The following KRIT1 variants were observed in gnomAD, a reference collection of about 807,000 sequenced individuals.
KRIT1 encodes krev interaction trapped protein 1.
In KRIT1, 45 loss-of-function variants were observed where a neutral mutation model predicts 95.8. That is an observed-to-expected ratio of 0.47 (90% CI 0.37 to 0.60). The LOEUF is 0.60. KRIT1 is among the 20% of genes least tolerant of loss of function. The pLI, the probability that KRIT1 is intolerant of heterozygous loss-of-function variation, is 0.00. For missense variants in KRIT1, 788 were observed against 877.5 expected (o/e 0.90, Z 1.29); for synonymous variants, 282 against 278.8 (o/e 1.01, Z -0.11).
At chr7:92,239,089 T>C (rs1311777080) in intron 5 of KRIT1, among the ~76,000 whole-genome samples, 1 of 152,228 alleles carries the variant, frequency 6.6e-6, no homozygotes, top group Non-Finnish European at 1.5e-5. Context: ...GGCTCATTAA[T>C]ACATTAAACT....
At chr7:92,226,485 C>T (rs1396068431) in intron 11 of KRIT1, 41 bp downstream of exon 11, 4 of 1,455,714 alleles carry the variant, frequency 2.7e-6, no homozygotes, top group East Asian at 2.3e-5. Context: ...TTGTTATTCA[C>T]TGCTTGAATA....
intron 17 of KRIT1, among the ~76,000 whole-genome samples, chr7:92,211,947 C>A (rs1291447001): frequency 9.1e-4 from 129 of 142,202 alleles, no homozygotes; most frequent in Non-Finnish European, 1.6e-3. Context: ...CAAAAAACAA[C>A]AAAAAAAAAA....
At position 92,236,626 on chromosome 7, in the gene KRIT1, T is replaced by A. The variant is rs1049543618; in HGVS notation, c.356-84A>T. On this transcript the variant is annotated intron_variant, in intron 6 of 18. Coordinates refer to ENST00000394505, the MANE Select transcript of KRIT1 (RefSeq NM_194454.3). ...TCATCTAAAAATACATGTTAGAAAA[T>A]GAAAACTTGTTAAGTATAAAATAAA... is the stretch of plus-strand genomic sequence containing the variant. 3.2e-6 allele frequency: 3 copies of A among 931,644 alleles called. No individual in the cohort carries two copies. The African/African-American group carries it at 4.9e-5, about 15-fold the overall frequency. 57.7% of individuals were successfully genotyped at this position (931,644 alleles called of 1,614,324 possible).
chr7:92,226,277 T>C (rs1796190991), intron 11 of KRIT1, among the ~76,000 whole-genome samples: 1 of 152,138 alleles, frequency 6.6e-6, no homozygotes, highest in South Asian at 2.1e-4. Context: ...CTAAAAATAG[T>C]TAATGTAAAT....
intron 10 of KRIT1, among the ~76,000 whole-genome samples, chr7:92,231,590 T>A (rs181168250): frequency 6.6e-6 from 1 of 152,334 alleles, no homozygotes; most frequent in East Asian, 1.9e-4. Flanking sequence ...GTCTCTTCAC[T>A]GTATCACAGT....
At chr7:92,219,597 C>T (rs1241745904) in intron 14 of KRIT1, among the ~76,000 whole-genome samples, 1 of 152,164 alleles carries the variant, frequency 6.6e-6, no homozygotes, top group Non-Finnish European at 1.5e-5. Flanking sequence ...CTTCATTCTT[C>T]TTAAGATTGC....
At chr7:92,228,587 C>A (rs1796673677) in intron 10 of KRIT1, among the ~76,000 whole-genome samples, 1 of 152,066 alleles carries the variant, frequency 6.6e-6, no homozygotes, top group Non-Finnish European at 1.5e-5. Flanking sequence ...TTTTGCTATT[C>A]TTTTTTTAAC....
chr7:92,231,558 A>C (rs897859191), intron 10 of KRIT1, among the ~76,000 whole-genome samples: 1 of 152,202 alleles, frequency 6.6e-6, no homozygotes. Flanking sequence ...ATCTTGTCTT[A>C]CAAAAATAGG....
chr7:92,226,478 T>C lies in KRIT1; in HGVS notation c.1146+48A>G, dbSNP rs148726625. 806 of 1,371,034 alleles carry C rather than the reference T, an allele frequency of 5.9e-4. 5 individuals are homozygous for C. The African/African-American group carries it at 9.7e-3, about 17-fold the overall frequency. The allele number at this position is 1,371,034 out of a possible 1,614,324, so 84.9% of individuals were successfully genotyped here. A position where few individuals can be genotyped will look rare whatever the true frequency, so the allele number is the denominator to read the frequency against. ...TTTAACATTTTAGTGTCATTACTTG[T>C]TATTCACTGCTTGAATATTATTTTT... On this transcript the variant is annotated intron_variant, in intron 11 of 18. Coordinates refer to ENST00000394505, the MANE Select transcript of KRIT1 (RefSeq NM_194454.3).
At position 92,213,932 on chromosome 7, in the gene KRIT1, T is replaced by C. The variant is rs755762191; in HGVS notation, c.1778A>G (p.Lys593Arg). 1.2e-6 allele frequency: 2 copies of C among 1,610,926 alleles called. No homozygotes were observed. Among genetic ancestry groups the C allele is most frequent in the Non-Finnish European group, 1.7e-6 (2 of 1,177,274 alleles). Residue 593 changes from lysine to arginine, a missense_variant, in exon 16 of 19, where the codon AAG becomes AGG. Physicochemically the swap from Lys to Arg is conservative, Grantham distance 26. This residue lies in a region of KRIT1 where 493 missense variants were observed against 582.3 expected (regional missense o/e 0.85). Transcript: ENST00000394505. ...TATGCGATTTGTCCAGTGAGGTGCC[T>C]TACTTTTCAGTTTGGTAACAGGTAC... Reference protein sequence around the residue: ...SIVPVTKLKSKAPHWTNRILH... With the variant: ...SIVPVTKLKSRAPHWTNRILH...
chr7:92,223,122 T>G (rs376493907), intron 12 of KRIT1, 144 bp from the exon 13 acceptor site: 5 of 676,926 alleles, frequency 7.4e-6, no homozygotes, highest in Non-Finnish European at 1.3e-5. Flanking sequence ...GAGAATCTGT[T>G]GGTGATATTT....
intron 6 of KRIT1, among the ~76,000 whole-genome samples, chr7:92,236,803 A>G (rs180730021): frequency 6.6e-6 from 1 of 152,282 alleles, no homozygotes; most frequent in African/African-American, 2.4e-5. Context: ...AAACTCATTA[A>G]TAAGATTTCC....
rs1339396869 is a variant in KRIT1, at chr7:92,234,631, C to G, written c.846-39G>C. 3.2e-6 allele frequency: 5 copies of G among 1,571,714 alleles called. No individual in the cohort carries two copies. The Admixed American group carries it at 6.7e-5, about 21-fold the overall frequency. On this transcript the variant is annotated intron_variant, in intron 9 of 18. Coordinates refer to ENST00000394505, the MANE Select transcript of KRIT1 (RefSeq NM_194454.3). ...AGAAATTTTGAAAAATACAACAGGA[C>G]TGTAAAAATTGTTTCAAAAGAAATG...
At chr7:92,220,111 G>C (rs532277375) in intron 14 of KRIT1, among the ~76,000 whole-genome samples, 1 of 152,262 alleles carries the variant, frequency 6.6e-6, no homozygotes, top group Admixed American at 6.5e-5. Context: ...CCTTATCTTA[G>C]GAGGACAGTT....
intron 17 of KRIT1, 148 bp from the exon 18 acceptor site, chr7:92,201,571 A>G: frequency 1.6e-6 from 1 of 627,784 alleles, no homozygotes; most frequent in Non-Finnish European, 2.9e-6. Context: ...GTTCTGGGGT[A>G]CACGTGCAGA....
chr7:92,226,989 T>A (rs1238659738), intron 10 of KRIT1, among the ~76,000 whole-genome samples: 1 of 152,222 alleles, frequency 6.6e-6, no homozygotes. Flanking sequence ...AAAGGTTAGA[T>A]ACAATTTTTA....
intron 12 of KRIT1, among the ~76,000 whole-genome samples, chr7:92,224,786 G>A (rs1795879466): frequency 6.6e-6 from 1 of 152,144 alleles, no homozygotes; most frequent in African/African-American, 2.4e-5. Context: ...TGAATGATGT[G>A]CAATGCTTTC....
At chr7:92,210,938 C>T (rs1194560482) in intron 17 of KRIT1, among the ~76,000 whole-genome samples, 1 of 152,102 alleles carries the variant, frequency 6.6e-6, no homozygotes, top group Non-Finnish European at 1.5e-5. Context: ...ATGCTTACCA[C>T]GAGTAATCAT....
At chr7:92,228,767 A>G (rs998899288) in intron 10 of KRIT1, among the ~76,000 whole-genome samples, 1 of 152,028 alleles carries the variant, frequency 6.6e-6, no homozygotes, top group African/African-American at 2.4e-5. Context: ...AGGAGGCCCC[A>G]GTATTTGCTG....
Sources: gnomAD v4.1 joint callset for allele counts (sites outside exome capture counted in the v4.1 genomes callset) on GRCh38, gnomAD v4.1.1 for gene constraint, gnomAD v4.1.1 regional missense constraint, MANE v1.5 for transcripts, NCBI Gene and HGNC (gene_info 2026-07-23, HGNC 2026-07-21) for gene names.